ZNF462: variants seen among roughly 807,000 people sequenced by gnomAD.
The protein encoded by ZNF462 is zinc finger protein 462.
ZNF462 carries 10 observed loss-of-function variants against 201.9 expected under a neutral mutation model. The observed-to-expected ratio is 0.05, with a 90% confidence interval of 0.03 to 0.08. The LOEUF is 0.08. Ranked by LOEUF, ZNF462 falls within the 10% of genes least tolerant of loss-of-function variation. ZNF462 has a pLI of 1.00. For synonymous variants in ZNF462, 1,227 were observed against 1,193.3 expected (o/e 1.03, Z -0.58); for missense variants, 2,523 against 3,168.3 (o/e 0.80, Z 4.89).
chr9:106,967,989 ATTTTC>A lies in ZNF462; in HGVS notation c.6428-4013_6428-4009del, dbSNP rs1156680370. Among the ~76,000 whole-genome samples, 8 of 151,518 alleles carry A rather than the reference ATTTTC, an allele frequency of 5.3e-5. No homozygotes were observed. In the East Asian group the frequency reaches 1.6e-3, roughly 29 times the overall value. On this transcript the variant is annotated intron_variant, in intron 7 of 12. Coordinates refer to ENST00000277225, the MANE Select transcript of ZNF462 (RefSeq NM_021224.6). The stretch of plus-strand genomic sequence containing the variant: ...TATCATTTGCATCTGTTCTAATGTT[ATTTTC>A]TTAACTATTTCAACCTTTCTATCAC...
Position 106,883,576 on chromosome 9 carries a change from T to C in ZNF462, c.-31+20221T>C, listed in dbSNP as rs1307412948. ...AGTGAATGCTAGGCCAAGGTTAGTG[T>C]TGAAGTACCCTAAGTAAAATTATTA... On this transcript the variant is annotated intron_variant, in intron 1 of 12. Transcript: ENST00000277225. The surrounding 1 kb of genome is among the most constrained non-coding windows in gnomAD (Gnocchi z 4.9). Among the ~76,000 whole-genome samples the C allele has an allele frequency of 6.6e-6, 1 of 152,220 alleles. No individual in the cohort carries two copies. The highest frequency in any genetic ancestry group is 1.5e-5 in the Non-Finnish European group (1 of 68,034).
In ZNF462 at chr9:106,928,317, C is replaced by G; in HGVS notation, c.4405C>G (p.Pro1469Ala). Residue 1469 changes from proline (P) to alanine (A), a missense_variant, in exon 3 of 13, where the codon CCA (proline) becomes GCA (alanine). Physicochemically the swap from Pro to Ala is conservative, Grantham distance 27. Around this residue, in one of 15 missense-constraint regions of ZNF462, gnomAD observed 165 missense variants for 142.6 expected, o/e 1.16. Transcript: ENST00000277225. This position sits in a 1 kb window ranked among gnomAD's most constrained non-coding sequence, Gnocchi z 9.3. ...ASANPAISSTPYQCTVCQSEY... is the reference protein window; with the variant it reads ...ASANPAISSTAYQCTVCQSEY... ...AGCCAACCCCGCCATATCCTCCACC[C>G]CATACCAGTGCACGGTATGCCAATC... The G allele has an allele frequency of 1.2e-6, 2 of 1,614,186 alleles. No individual in the cohort carries two copies. The highest frequency in any genetic ancestry group is 1.1e-5 in the South Asian group (1 of 91,076).
intron 1 of ZNF462, among the ~76,000 whole-genome samples, chr9:106,906,603 G>C (rs1829285001): frequency 6.6e-6 from 1 of 152,096 alleles, no homozygotes; most frequent in African/African-American, 2.4e-5. Flanking sequence ...CCCAGACAGG[G>C]TGGAAAAAAA....
chr9:106,991,988 T>G lies in ZNF462; in HGVS notation c.7056+7579T>G, dbSNP rs78060521. Among the ~76,000 whole-genome samples the G allele has an allele frequency of 0.015, 2,228 of 151,806 alleles. 76 individuals are homozygous for G. The East Asian group carries it at 0.16, about 11-fold the overall frequency. On this transcript the variant is annotated intron_variant, in intron 10 of 12. Coordinates refer to ENST00000277225, the MANE Select transcript of ZNF462 (RefSeq NM_021224.6). ...CTTGGGTTAGGGAAAAAAATTTTTA[T>G]ATATGATGCAAAAGTTATGGACAAC...
chr9:106,958,465 T>C (rs1409845793), intron 7 of ZNF462, among the ~76,000 whole-genome samples: 1 of 152,144 alleles, frequency 6.6e-6, no homozygotes, highest in Non-Finnish European at 1.5e-5. Context: ...TCTCACACTT[T>C]AGCCCTTGCT....
rs1472679034 is a variant in ZNF462, at chr9:107,010,478, A to G, written c.7314-345A>G. ...GGGTTCAGCCGATGACTCTGAGCAT[A>G]AGACAATTCTTGCTGTTACCACTTA... On this transcript the variant is annotated intron_variant, in intron 12 of 12. Coordinates refer to ENST00000277225, the MANE Select transcript of ZNF462 (RefSeq NM_021224.6). This position sits in a 1 kb window ranked among gnomAD's most constrained non-coding sequence, Gnocchi z 4.6. 6.6e-6 allele frequency among the ~76,000 whole-genome samples: 1 copy of G among 152,198 alleles called. No individual in the cohort carries two copies. Among genetic ancestry groups the G allele is most frequent in the Non-Finnish European group, 1.5e-5 (1 of 68,042 alleles).
rs1013437379 is a variant in ZNF462, at chr9:106,984,588, G to A, written c.7056+179G>A. Among the ~76,000 whole-genome samples, 3 of 152,248 alleles carry A rather than the reference G, an allele frequency of 2.0e-5. No homozygotes were observed. Among genetic ancestry groups the A allele is most frequent in the East Asian group, 3.9e-4 (2 of 5,176 alleles). On this transcript the variant is annotated intron_variant, in intron 10 of 12. Transcript: ENST00000277225. This position sits in a 1 kb window ranked among gnomAD's most constrained non-coding sequence, Gnocchi z 6.4. The stretch of plus-strand genomic sequence containing the variant: ...ACGTAAGGTCATTTTTAAAAATTGC[G>A]AAACACAGGTTGGGTGGAAGGGAAA...
chr9:106,928,014 A>G lies in ZNF462; in HGVS notation c.4102A>G (p.Thr1368Ala). The change falls in exon 3 of 13, where the codon ACC (threonine) becomes GCC (alanine). Residue 1368 changes from threonine (T) to alanine (A), a missense_variant. Around this residue, in one of 15 missense-constraint regions of ZNF462, gnomAD observed 165 missense variants for 142.6 expected, o/e 1.16. Coordinates refer to ENST00000277225, the MANE Select transcript of ZNF462 (RefSeq NM_021224.6). This position sits in a 1 kb window ranked among gnomAD's most constrained non-coding sequence, Gnocchi z 9.3. Reference sequence around the variant, plus strand: ...TCTCACAATGCCAGCCGAAGCCAAAACCTACAGATGCAGGGACTGTGTTTT... The same window carrying G: ...TCTCACAATGCCAGCCGAAGCCAAAGCCTACAGATGCAGGGACTGTGTTTT... Reference protein sequence around the residue: ...PSLTMPAEAKTYRCRDCVFEA... With the variant: ...PSLTMPAEAKAYRCRDCVFEA... 1 of 1,614,090 alleles carries G rather than the reference A, an allele frequency of 6.2e-7. No individual in the cohort carries two copies. Among genetic ancestry groups the G allele is most frequent in the Non-Finnish European group, 8.5e-7 (1 of 1,180,002 alleles).
chr9:106,906,490 A>G (rs1042837907), intron 1 of ZNF462, among the ~76,000 whole-genome samples: 1 of 152,228 alleles, frequency 6.6e-6, no homozygotes, highest in Non-Finnish European at 1.5e-5. Flanking sequence ...ATATAAAGAT[A>G]TAATCACCAA....
rs140903016 is a variant in ZNF462, at chr9:106,890,454, C to T, written c.-31+27099C>T. Among the ~76,000 whole-genome samples, 79 of 152,294 alleles carry T rather than the reference C, an allele frequency of 5.2e-4. No homozygotes were observed. The highest frequency in any genetic ancestry group is 1.9e-3 in the African/African-American group (77 of 41,562). ...CATACAAAAATCTAGCACTTGAAGC[C>T]ACTTAATCAAATATCATATCCACAC... is the stretch of plus-strand genomic sequence containing the variant. On this transcript the variant is annotated intron_variant, in intron 1 of 12. Transcript: ENST00000277225. This position sits in a 1 kb window ranked among gnomAD's most constrained non-coding sequence, Gnocchi z 4.2.
At chr9:106,868,388 A>C (rs1218847089) in intron 1 of ZNF462, among the ~76,000 whole-genome samples, 1 of 152,224 alleles carries the variant, frequency 6.6e-6, no homozygotes, top group East Asian at 1.9e-4. Context: ...TTACAAAAAT[A>C]AGAAAGAAAG....
intron 7 of ZNF462, among the ~76,000 whole-genome samples, chr9:106,953,513 G>A (rs866089866): frequency 1.6e-4 from 25 of 152,058 alleles, no homozygotes; most frequent in African/African-American, 5.6e-4. Flanking sequence ...CTCTTCCCTT[G>A]GTTTTGGTCT....
chr9:106,927,871 C>T lies in ZNF462; in HGVS notation c.3959C>T (p.Ser1320Phe). 1.2e-6 allele frequency: 2 copies of T among 1,614,174 alleles called. No individual in the cohort carries two copies. The highest frequency in any genetic ancestry group is 1.7e-6 in the Non-Finnish European group (2 of 1,180,052). Reference protein sequence around the residue: ...AGYHCEWCIYSHTEPNGLLLH... With the variant: ...AGYHCEWCIYFHTEPNGLLLH... The stretch of plus-strand genomic sequence containing the variant: ...TACCACTGCGAGTGGTGCATCTACT[C>T]CCATACGGAGCCCAACGGTTTGCTC... The change falls in exon 3 of 13, where the codon TCC becomes TTC. Residue 1320 changes from serine (S) to phenylalanine (F), a missense_variant. Transcript: ENST00000277225.
At chr9:106,992,777 G>C (rs1231222643) in intron 10 of ZNF462, among the ~76,000 whole-genome samples, 1 of 152,092 alleles carries the variant, frequency 6.6e-6, no homozygotes, top group Non-Finnish European at 1.5e-5. Flanking sequence ...AGTGATGAGA[G>C]TGTTCTTAAA....
At chr9:106,873,647 T>C (rs1827698080) in intron 1 of ZNF462, among the ~76,000 whole-genome samples, 1 of 152,208 alleles carries the variant, frequency 6.6e-6, no homozygotes, top group Admixed American at 6.5e-5. Flanking sequence ...GTGATCACCA[T>C]GTGCTCTATT....
rs1018860707 is a variant in ZNF462 at position 106,923,437 on chromosome 9, T to A, written c.54T>A (p.Asp18Glu). 2.5e-6 allele frequency: 4 copies of A among 1,614,182 alleles called. No individual in the cohort carries two copies. Among genetic ancestry groups the A allele is most frequent in the South Asian group, 1.1e-5 (1 of 91,078 alleles). The change falls in exon 2 of 13, where the codon GAT (aspartate) becomes GAA (glutamate). Residue 18 changes from aspartate to glutamate, a missense_variant. Asp to Glu is a conservative substitution (Grantham distance 45). Transcript: ENST00000277225. The surrounding 1 kb of genome is among the most constrained non-coding windows in gnomAD (Gnocchi z 5.6). ...ATTTCCGAGCCCCGTCTTATGAAGA[T>A]CTCAAGGCACACATTCAGGATGTCC... ...GCDFRAPSYE[D>E]LKAHIQDVHT...
rs1829837057 is a variant in ZNF462, at chr9:106,917,848, A to ATTTATT, written c.-30-5505_-30-5504insTTATTT. ...TATTTTGCTGGTTTATTATTTTTTT[A>ATTTATT]TATTTATTTATTTATTTATTTATTT... On this transcript the variant is annotated intron_variant, in intron 1 of 12. Coordinates refer to ENST00000277225, the MANE Select transcript of ZNF462 (RefSeq NM_021224.6). This position sits in a 1 kb window ranked among gnomAD's most constrained non-coding sequence, Gnocchi z 4.5. Among the ~76,000 whole-genome samples the ATTTATT allele has an allele frequency of 1.6e-4, 23 of 145,726 alleles. No individual in the cohort carries two copies. In the East Asian group the frequency reaches 4.6e-3, roughly 29 times the overall value.
intron 1 of ZNF462, among the ~76,000 whole-genome samples, chr9:106,914,220 C>A (rs1445881194): frequency 7.2e-6 from 1 of 138,948 alleles, no homozygotes; most frequent in African/African-American, 2.5e-5. Context: ...AGCCAGGACC[C>A]CATAAAGGGC....
At chr9:106,904,884 C>G (rs182691797) in intron 1 of ZNF462, among the ~76,000 whole-genome samples, 3 of 152,262 alleles carry the variant, frequency 2.0e-5, no homozygotes, top group Admixed American at 6.5e-5. Context: ...CCCTGATTAG[C>G]TTAATAACTA....
Sources: gnomAD v4.1 joint callset for allele counts (sites outside exome capture counted in the v4.1 genomes callset) on GRCh38, gnomAD v4.1.1 for gene constraint, gnomAD v4.1.1 regional missense constraint, Gnocchi (gnomAD v3.1) non-coding constraint, MANE v1.5 for transcripts, NCBI Gene and HGNC (gene_info 2026-07-23, HGNC 2026-07-21) for gene names.